VAX2: variants seen among roughly 807,000 people sequenced by gnomAD.
The protein encoded by VAX2 is ventral anterior homeobox 2.
Under a neutral mutation model 12.5 loss-of-function variants are expected in VAX2, and 8 were observed. The ratio of observed to expected loss-of-function variants is 0.64; its 90% CI spans 0.37 to 1.15. The LOEUF (loss-of-function observed/expected upper bound fraction) is 1.15, where lower values mean the gene tolerates loss of function less well. VAX2 is among the 50% of genes most tolerant of loss of function. VAX2 has a pLI of 0.01. For synonymous variants in VAX2, 183 were observed against 187.6 expected, an observed-to-expected ratio of 0.98 and a Z score of 0.20; for missense variants, 476 against 412.9, an observed-to-expected ratio of 1.15 and a Z score of -1.32.
intron 2 of VAX2, among the ~76,000 whole-genome samples, 182 bp downstream of exon 2, chr2:70,921,467 CACAG>C (rs1460353826): frequency 2.0e-5 from 3 of 152,098 alleles, no homozygotes; most frequent in Admixed American, 6.5e-5. Flanking sequence ...TAGCGCCGAC[CACAG>C]ACAGTCAGGA....
In VAX2 at chr2:70,904,881, A is replaced by G. The variant is rs1040156716; in HGVS notation, c.247+4013A>G. Among the ~76,000 whole-genome samples, 2 of 152,210 alleles carry G rather than the reference A, an allele frequency of 1.3e-5. No homozygotes were observed. The highest frequency in any genetic ancestry group is 6.5e-5 in the Admixed American group (1 of 15,280). On this transcript the variant is annotated intron_variant, in intron 1 of 2. Transcript: ENST00000234392. The surrounding 1 kb of genome is among the most constrained non-coding windows in gnomAD (Gnocchi z 4.2). Reference sequence around the variant, plus strand: ...CGGGCAGTCGGGACCCACGCTCCGGAAACACCCAAGTCCGAACTCGTACAC... The same window carrying G: ...CGGGCAGTCGGGACCCACGCTCCGGGAACACCCAAGTCCGAACTCGTACAC...
At chr2:70,905,446 G>A (rs1679035425) in intron 1 of VAX2, among the ~76,000 whole-genome samples, 1 of 151,950 alleles carries the variant, frequency 6.6e-6, no homozygotes, top group African/African-American at 2.4e-5. Context: ...CTCTCATTTG[G>A]GTCTTCTTTT....
Position 70,930,193 on chromosome 2 carries a change from G to A in VAX2, c.436-2574G>A, listed in dbSNP as rs566933679. The stretch of plus-strand genomic sequence containing the variant: ...AGCCCAGGCAGAAAACCAACACTTT[G>A]TCTCTAAAAACAAAAATAAAGAAAT... On this transcript the variant is annotated intron_variant, in intron 2 of 2. Coordinates refer to ENST00000234392, the MANE Select transcript of VAX2 (RefSeq NM_012476.3). Among the ~76,000 whole-genome samples, 87 of 151,992 alleles carry A rather than the reference G, an allele frequency of 5.7e-4. 2 individuals are homozygous for A. The South Asian group carries it at 0.018, about 32-fold the overall frequency.
chr2:70,902,337 T>C (rs1489878595), intron 1 of VAX2, among the ~76,000 whole-genome samples: 1 of 152,164 alleles, frequency 6.6e-6, no homozygotes, highest in African/African-American at 2.4e-5. Flanking sequence ...GTTGACTGCT[T>C]GAGTCAAGGC....
At chr2:70,916,034 C>T (rs1019247750) in intron 1 of VAX2, among the ~76,000 whole-genome samples, 1 of 152,020 alleles carries the variant, frequency 6.6e-6, no homozygotes, top group Admixed American at 6.6e-5. Context: ...AAATAAATGC[C>T]TAACTTTTTA....
chr2:70,900,828 GC>G lies in VAX2; in HGVS notation c.210del (p.Gly71AlafsTer69). 6.8e-7 allele frequency: 1 copy of G among 1,474,144 alleles called. No individual in the cohort carries two copies. Among genetic ancestry groups the G allele is most frequent in the Non-Finnish European group, 9.0e-7 (1 of 1,113,114 alleles). The allele number at this position is 1,474,144 out of a possible 1,614,324, so 91.3% of individuals were successfully genotyped here. A position where few individuals can be genotyped will look rare whatever the true frequency, so the allele number is the denominator to read the frequency against. Reference sequence around the variant, plus strand: ...GAGCCGACAGCGACGGGCAGCCCGGGCCCGGCGAGGCAGACCACTGCCGCCG... The same window carrying G: ...GAGCCGACAGCGACGGGCAGCCCGGGCCGGCGAGGCAGACCACTGCCGCCG... ...SGADSDGQPGPGEADHCRRIL... is the reference protein window; with the variant it reads ...SGADSDGQPGXGEADHCRRIL... On this transcript the variant is annotated frameshift_variant, in exon 1 of 3. Coordinates refer to ENST00000234392, the MANE Select transcript of VAX2 (RefSeq NM_012476.3). LOFTEE classifies it high-confidence loss of function.
chr2:70,915,793 T>C lies in VAX2; in HGVS notation c.248-5305T>C, dbSNP rs1679295912. On this transcript the variant is annotated intron_variant, in intron 1 of 2. Transcript: ENST00000234392. ...TTTTCCCATCTTGAATGCCCTTTTA[T>C]GATAAACTCTATGACTATGGATACA... Among the ~76,000 whole-genome samples, 3 of 152,196 alleles carry C rather than the reference T, an allele frequency of 2.0e-5. No homozygotes were observed. The South Asian group carries it at 6.2e-4, about 32-fold the overall frequency.
At chr2:70,923,017 T>C (rs1553413052) in intron 2 of VAX2, among the ~76,000 whole-genome samples, 1 of 98,776 alleles carries the variant, frequency 1.0e-5, no homozygotes, top group Non-Finnish European at 2.3e-5. Context: ...GAGAGACAGA[T>C]AGTGTGTGTG....
At chr2:70,930,062 G>A (rs1047373577) in intron 2 of VAX2, among the ~76,000 whole-genome samples, 4 of 152,258 alleles carry the variant, frequency 2.6e-5, no homozygotes, top group African/African-American at 4.8e-5. Flanking sequence ...CGCCAGGTGC[G>A]GTGGTGTGCA....
intron 2 of VAX2, among the ~76,000 whole-genome samples, chr2:70,931,202 G>A (rs567085916): frequency 2.0e-4 from 30 of 152,302 alleles, no homozygotes; most frequent in Non-Finnish European, 4.1e-4. Flanking sequence ...TGGAGCACTG[G>A]GTGTTGGGTA....
intron 2 of VAX2, among the ~76,000 whole-genome samples, chr2:70,926,818 C>T (rs914553424): frequency 2.6e-5 from 4 of 151,652 alleles, no homozygotes; most frequent in South Asian, 4.2e-4. Context: ...ATTAGCCCAC[C>T]GAGTCATCAC....
rs1679009490 is a variant in VAX2, at chr2:70,904,654, C to A, written c.247+3786C>A. On this transcript the variant is annotated intron_variant, in intron 1 of 2. Coordinates refer to ENST00000234392, the MANE Select transcript of VAX2 (RefSeq NM_012476.3). This position sits in a 1 kb window ranked among gnomAD's most constrained non-coding sequence, Gnocchi z 4.2. ...GTCTGGGAGCAGTAGGGTGGGATGA[C>A]TGCAGGATCCCTTGAAGAAGTGACT... is the stretch of plus-strand genomic sequence containing the variant. Among the ~76,000 whole-genome samples, 1 of 152,210 alleles carries A rather than the reference C, an allele frequency of 6.6e-6. No individual in the cohort carries two copies. Among genetic ancestry groups the A allele is most frequent in the African/African-American group, 2.4e-5 (1 of 41,452 alleles).
intron 2 of VAX2, among the ~76,000 whole-genome samples, chr2:70,923,657 C>A (rs1553413183): frequency 6.6e-6 from 1 of 152,222 alleles, no homozygotes; most frequent in African/African-American, 2.4e-5. Context: ...TCAGGAAACA[C>A]CTCCCCTACA....
intron 1 of VAX2, among the ~76,000 whole-genome samples, chr2:70,911,797 G>T (rs1451222646): frequency 3.9e-5 from 6 of 152,158 alleles, no homozygotes; most frequent in African/African-American, 1.4e-4. Flanking sequence ...GTTTACAGAG[G>T]CTGTGTGTAT....
chr2:70,911,866 T>C (rs1435176174), intron 1 of VAX2, among the ~76,000 whole-genome samples: 1 of 152,260 alleles, frequency 6.6e-6, no homozygotes, highest in Non-Finnish European at 1.5e-5. Flanking sequence ...CATCTGTCTC[T>C]TACCCTGCAG....
intron 1 of VAX2, among the ~76,000 whole-genome samples, chr2:70,919,784 C>A (rs932387124): frequency 1.3e-5 from 2 of 152,098 alleles, no homozygotes; most frequent in Admixed American, 1.3e-4. Context: ...CCCTAGAGGT[C>A]GAGACTGCAG....
At chr2:70,916,369 C>T (rs1009476265) in intron 1 of VAX2, among the ~76,000 whole-genome samples, 2 of 152,198 alleles carry the variant, frequency 1.3e-5, no homozygotes, top group African/African-American at 4.8e-5. Context: ...AGACCTTCCT[C>T]AGATTTCACC....
intron 1 of VAX2, among the ~76,000 whole-genome samples, chr2:70,906,520 CTTTTTTTTTT>C (rs869309305): frequency 1.6e-4 from 10 of 60,606 alleles, no homozygotes; most frequent in South Asian, 9.2e-4. Flanking sequence ...TTTTCTTTTC[CTTTTTTTTTT>C]TTTTTTTTTT....
In VAX2 at chr2:70,933,012, A is replaced by C. The variant is rs782120861; in HGVS notation, c.681A>C (p.Pro227=). ...TSLGDPRNSS[P]RLNPLSSASA... ...TAGGTGACCCCAGGAACTCCTCCCCACGCCTCAACCCGCTGTCCTCGGCCT... is the reference window on the plus strand; with the variant it reads ...TAGGTGACCCCAGGAACTCCTCCCCCCGCCTCAACCCGCTGTCCTCGGCCT... The change falls in exon 3 of 3, where the codon CCA becomes CCC. Residue 227 remains proline, a synonymous_variant. Transcript: ENST00000234392. 1.3e-6 allele frequency: 2 copies of C among 1,598,202 alleles called. No individual in the cohort carries two copies. The highest frequency in any genetic ancestry group is 2.2e-5 in the South Asian group (2 of 89,272).
Sources: allele counts gnomAD v4.1 joint callset (sites outside exome capture counted in the v4.1 genomes callset), GRCh38; gene constraint gnomAD v4.1.1; non-coding constraint Gnocchi (gnomAD v3.1); transcripts MANE v1.5; gene names NCBI Gene and HGNC (gene_info 2026-07-23, HGNC 2026-07-21).